The following PLXNC1 variants were observed in gnomAD, a reference collection of about 807,000 sequenced individuals.
The protein encoded by PLXNC1 is plexin C1, also known as plexin-C1.
A neutral mutation model predicts 178.2 loss-of-function variants in PLXNC1; 75 were observed. That is an observed-to-expected ratio of 0.42 (90% CI 0.35 to 0.51). PLXNC1 has a LOEUF of 0.51. PLXNC1 is among the 20% of genes least tolerant of loss of function. The pLI is 0.02. For missense variants in PLXNC1, 1,503 were observed against 1,984.4 expected (o/e 0.76, Z 4.61); for synonymous variants, 790 against 779.9 (o/e 1.01, Z -0.22).
At chr12:94,229,800 T>C (rs1458364225) in intron 9 of PLXNC1, among the ~76,000 whole-genome samples, 2 of 152,252 alleles carry the variant, frequency 1.3e-5, no homozygotes, top group Non-Finnish European at 2.9e-5. Flanking sequence ...TACTGTAGCT[T>C]TGTAAAGTAA....
chr12:94,290,717 C>A (rs933313064), intron 23 of PLXNC1, among the ~76,000 whole-genome samples: 1 of 152,216 alleles, frequency 6.6e-6, no homozygotes, highest in Admixed American at 6.5e-5. Context: ...ATTCTGATAA[C>A]CAATGTGCAG....
chr12:94,208,793 T>C (rs1963381871), intron 4 of PLXNC1, among the ~76,000 whole-genome samples: 1 of 152,196 alleles, frequency 6.6e-6, no homozygotes, highest in African/African-American at 2.4e-5. Flanking sequence ...CCCCGTCTGG[T>C]GAGGCAAGGG....
At chr12:94,300,763 T>C in intron 27 of PLXNC1, 147 bp from the exon 28 acceptor site, 1 of 546,396 alleles carries the variant, frequency 1.8e-6, no homozygotes, top group Non-Finnish European at 3.1e-6. Context: ...CAAGTGACGC[T>C]TCTGTCTGTT....
intron 21 of PLXNC1, among the ~76,000 whole-genome samples, chr12:94,275,932 A>G (rs1252008920): frequency 4.6e-5 from 7 of 151,802 alleles, no homozygotes; most frequent in Non-Finnish European, 8.8e-5. Context: ...ATGAACACAT[A>G]TCAATTTATG....
intron 22 of PLXNC1, among the ~76,000 whole-genome samples, chr12:94,281,646 C>A (rs777253882): frequency 6.6e-6 from 1 of 152,154 alleles, no homozygotes; most frequent in African/African-American, 2.4e-5. Context: ...GTCTTGAACT[C>A]CTAGCCTCAA....
intron 9 of PLXNC1, 68 bp downstream of exon 9, chr12:94,227,303 C>A (rs1963971699): frequency 1.1e-6 from 1 of 901,746 alleles, no homozygotes; most frequent in Non-Finnish European, 1.8e-6. Context: ...ACAACTCATA[C>A]TACTTTGGGT....
At chr12:94,282,159 A>C (rs1966485915) in intron 22 of PLXNC1, 139 bp from the exon 23 acceptor site, 3 of 613,440 alleles carry the variant, frequency 4.9e-6, no homozygotes, top group Non-Finnish European at 5.8e-6. Flanking sequence ...AATTCAGGCT[A>C]CCAGTCTGGC....
rs184981341 is a variant in PLXNC1, at chr12:94,272,632, A to T, written c.3598-6840A>T. On this transcript the variant is annotated intron_variant, in intron 21 of 30. Transcript: ENST00000258526. ...TCGGATCGAAGACTTCCCACTGGGC[A>T]TGGTGGCTCACACCTGTAATCCCAG... 2.0e-5 allele frequency among the ~76,000 whole-genome samples: 3 copies of T among 152,296 alleles called. No homozygotes were observed. The South Asian group carries it at 6.2e-4, about 32-fold the overall frequency.
chr12:94,228,600 A>G (rs1220032657), intron 9 of PLXNC1, among the ~76,000 whole-genome samples: 3 of 152,134 alleles, frequency 2.0e-5, no homozygotes, highest in African/African-American at 7.2e-5. Context: ...GGAAACCGCC[A>G]TTCTAATTTT....
At chr12:94,189,351 G>A (rs898422985) in intron 4 of PLXNC1, among the ~76,000 whole-genome samples, 1 of 152,138 alleles carries the variant, frequency 6.6e-6, no homozygotes, top group Non-Finnish European at 1.5e-5. Context: ...GTGAAAAGGT[G>A]GCAGGGTCTG....
intron 5 of PLXNC1, among the ~76,000 whole-genome samples, chr12:94,217,794 T>A (rs1963686739): frequency 6.6e-6 from 1 of 152,172 alleles, no homozygotes; most frequent in South Asian, 2.1e-4. Flanking sequence ...TTTATTCTGG[T>A]GGAATGTTCT....
intron 23 of PLXNC1, among the ~76,000 whole-genome samples, chr12:94,282,611 G>A (rs561725669): frequency 3.3e-5 from 5 of 152,318 alleles, no homozygotes; most frequent in Non-Finnish European, 7.4e-5. Context: ...CTTCTCAGAA[G>A]GCTATGATTT....
chr12:94,216,999 A>AATACC (rs1963664335), intron 5 of PLXNC1, among the ~76,000 whole-genome samples: 1 of 152,066 alleles, frequency 6.6e-6, no homozygotes, highest in African/African-American at 2.4e-5. Context: ...GTTACGCAAA[A>AATACC]ATACCTTCAC....
At chr12:94,250,912 G>A (rs1452030038) in intron 14 of PLXNC1, among the ~76,000 whole-genome samples, 2 of 151,854 alleles carry the variant, frequency 1.3e-5, no homozygotes, top group African/African-American at 4.8e-5. Context: ...CAGCTACTTG[G>A]GAGGCTGAGG....
At chr12:94,154,283 C>T (rs1388464571) in intron 1 of PLXNC1, among the ~76,000 whole-genome samples, 1 of 152,146 alleles carries the variant, frequency 6.6e-6, no homozygotes, top group Non-Finnish European at 1.5e-5. Flanking sequence ...TGGAAAATAG[C>T]AGAGGATTTA....
chr12:94,157,006 C>T (rs1439950868), intron 1 of PLXNC1, among the ~76,000 whole-genome samples: 1 of 152,200 alleles, frequency 6.6e-6, no homozygotes, highest in East Asian at 1.9e-4. Context: ...TTGCCTCCCA[C>T]TGTACATCTT....
At chr12:94,237,486 A>G (rs982315856) in intron 9 of PLXNC1, among the ~76,000 whole-genome samples, 178 bp from the exon 10 acceptor site, 25 of 152,244 alleles carry the variant, frequency 1.6e-4, no homozygotes, top group African/African-American at 5.8e-4. Context: ...GTTGAGAGAC[A>G]TGAATCTGCA....
At chr12:94,265,311 C>T (rs866498376) in intron 21 of PLXNC1, 86 bp downstream of exon 21, 11 of 1,246,106 alleles carry the variant, frequency 8.8e-6, no homozygotes, top group Admixed American at 4.1e-5. Context: ...TACAATGAAA[C>T]GGTATCATCT....
intron 2 of PLXNC1, among the ~76,000 whole-genome samples, chr12:94,171,313 C>T (rs1167957687): frequency 2.0e-5 from 3 of 152,186 alleles, no homozygotes; most frequent in African/African-American, 7.2e-5. Flanking sequence ...ACCTGTGTGG[C>T]CTCGTTGTTT....
Sources: gnomAD v4.1 joint callset for allele counts (sites outside exome capture counted in the v4.1 genomes callset) on GRCh38, gnomAD v4.1.1 for gene constraint, MANE v1.5 for transcripts, NCBI Gene and HGNC (gene_info 2026-07-23, HGNC 2026-07-21) for gene names.